PADI2: variants seen among roughly 807,000 people sequenced by gnomAD.
The protein encoded by PADI2 is peptidyl arginine deiminase 2, also known as protein-arginine deiminase type-2.
PADI2 carries 70 observed loss-of-function variants against 81.1 expected under a neutral mutation model. The observed-to-expected ratio is 0.86, with a 90% CI of 0.71 to 1.05. PADI2 has a LOEUF of 1.05. PADI2 is among the 50% of genes least tolerant of loss of function. The pLI, the probability that PADI2 is intolerant of heterozygous loss-of-function variation, is 0.00. For synonymous variants in PADI2, 338 were observed against 358.0 expected (o/e 0.94, Z 0.63); for missense variants, 853 against 889.9 (o/e 0.96, Z 0.53).
At chr1:17,104,122 A>C (rs1332451391) in intron 2 of PADI2, among the ~76,000 whole-genome samples, 1 of 108,030 alleles carries the variant, frequency 9.3e-6, no homozygotes, top group Non-Finnish European at 1.9e-5. Context: ...CTCTACTAAA[A>C]ATACAAAAAA....
chr1:17,111,423 T>C (rs1020280283), intron 1 of PADI2, among the ~76,000 whole-genome samples: 1 of 152,072 alleles, frequency 6.6e-6, no homozygotes, highest in Non-Finnish European at 1.5e-5. Context: ...ATGGATTACA[T>C]GATTACAGCT....
chr1:17,108,946 A>C (rs1007637186), intron 1 of PADI2, among the ~76,000 whole-genome samples: 2 of 152,196 alleles, frequency 1.3e-5, no homozygotes, highest in Non-Finnish European at 2.9e-5. Context: ...GCCCATCAAC[A>C]TGCTGGGTGG....
intron 1 of PADI2, among the ~76,000 whole-genome samples, chr1:17,106,451 T>C (rs1004176127): frequency 1.3e-4 from 19 of 150,192 alleles, no homozygotes; most frequent in South Asian, 2.1e-4. Context: ...TCTTCTTCTT[T>C]TTTTTTTTTT....
At position 17,083,794 on chromosome 1, in the gene PADI2, C is replaced by A. The variant is rs747146158; in HGVS notation, c.982G>T (p.Val328Leu). The change falls in exon 9 of 16, where the codon GTG (valine) becomes TTG (leucine). Residue 328 changes from valine to leucine, a missense_variant. Coordinates refer to ENST00000375486, the MANE Select transcript of PADI2 (RefSeq NM_007365.3). ...TTCAGCTCACAGTTGGTTTTCTCCA[C>A]AAGGTTCTTCACCTCTTTCAGGAAC... ...YLFLKEVKNL[V>L]EKTNCELKVC... 6.2e-7 allele frequency: 1 copy of A among 1,613,648 alleles called. No homozygotes were observed. The highest frequency in any genetic ancestry group is 2.2e-5 in the East Asian group (1 of 44,882).
intron 3 of PADI2, 148 bp from the exon 4 acceptor site, chr1:17,096,118 C>T (rs543342542): frequency 1.6e-4 from 85 of 527,608 alleles, no homozygotes; most frequent in African/African-American, 1.6e-3. Flanking sequence ...CTTATGCAAC[C>T]CCCTGCCTCA....
rs147988116 is a variant in PADI2, at chr1:17,119,099, G to A, written c.92+181C>T. Among the ~76,000 whole-genome samples, 903 of 152,166 alleles carry A rather than the reference G, an allele frequency of 5.9e-3. 6 individuals carry two copies. The highest frequency in any genetic ancestry group is 0.027 in the Middle Eastern group (8 of 294). ...GAGAGTCTCAGGGTTTCTGGAAGGTGGACACAAGGTTCGGGGGTTGTCAGG... is the reference window on the plus strand; with the variant it reads ...GAGAGTCTCAGGGTTTCTGGAAGGTAGACACAAGGTTCGGGGGTTGTCAGG... On this transcript the variant is annotated intron_variant, in intron 1 of 15. Transcript: ENST00000375486. This position sits in a 1 kb window ranked among gnomAD's most constrained non-coding sequence, Gnocchi z 4.8.
At position 17,070,173 on chromosome 1, in the gene PADI2, C is replaced by A; in HGVS notation, c.1679G>T (p.Gly560Val). 1 of 1,614,108 alleles carries A rather than the reference C, an allele frequency of 6.2e-7. No homozygotes were observed. Among genetic ancestry groups the A allele is most frequent in the Non-Finnish European group, 8.5e-7 (1 of 1,179,994 alleles). The change falls in exon 15 of 16, where the codon GGA becomes GTA. Residue 560 changes from glycine (G) to valine (V), a missense_variant. Transcript: ENST00000375486. Reference protein sequence around the residue: ...WNRDILKKELGLTEQDIIDLP... With the variant: ...WNRDILKKELVLTEQDIIDLP... Reference sequence around the variant, plus strand: ...GTCAATGATGTCCTGCTCTGTCAGTCCCAGCTCCTTCTTGAGGATGTCACG... The same window carrying A: ...GTCAATGATGTCCTGCTCTGTCAGTACCAGCTCCTTCTTGAGGATGTCACG...
chr1:17,068,882 C>A lies in PADI2; in HGVS notation c.*162G>T, dbSNP rs2078244160. On this transcript the variant is annotated 3_prime_UTR_variant, in exon 16 of 16. Transcript: ENST00000375486. The stretch of plus-strand genomic sequence containing the variant: ...GGGATGGCTTCAGAGGACACTGAGG[C>A]CCCTCTCAGGGAGGGCAAGGCACAG... 1 of 627,036 alleles carries A rather than the reference C, an allele frequency of 1.6e-6. No individual in the cohort carries two copies. 38.8% of individuals were successfully genotyped at this position (627,036 alleles called of 1,614,324 possible).
intron 11 of PADI2, among the ~76,000 whole-genome samples, chr1:17,076,310 G>T (rs1557758610): frequency 6.6e-6 from 1 of 152,056 alleles, no homozygotes; most frequent in Non-Finnish European, 1.5e-5. Flanking sequence ...TGCCTCCCGG[G>T]TTCAAGCAAT....
chr1:17,119,197 C>A lies in PADI2; in HGVS notation c.92+83G>T. On this transcript the variant is annotated intron_variant, in intron 1 of 15. Transcript: ENST00000375486. This position sits in a 1 kb window ranked among gnomAD's most constrained non-coding sequence, Gnocchi z 4.8. ...AGGGACAACTCGGGCTGGACAAAGG[C>A]TGTCCACGTCCCCGAGTCTGAGCGC... 1 of 981,246 alleles carries A rather than the reference C, an allele frequency of 1.0e-6. No individual in the cohort carries two copies. Among genetic ancestry groups the A allele is most frequent in the Non-Finnish European group, 1.5e-6 (1 of 663,636 alleles). The allele number at this position is 981,246 out of a possible 1,614,324, so 60.8% of individuals were successfully genotyped here. A position where few individuals can be genotyped will look rare whatever the true frequency, so the allele number is the denominator to read the frequency against.
In PADI2 at chr1:17,083,179, T is replaced by C. The variant is rs376498039; in HGVS notation, c.1051-527A>G. ...TTATCCACCACGCGTGGCCTAGACC[T>C]CATTTTAAAAAACACAATAACCAGG... On this transcript the variant is annotated intron_variant, in intron 9 of 15. Transcript: ENST00000375486. 6.1e-4 allele frequency: 96 copies of C among 156,312 alleles called. No homozygotes were observed. In the South Asian group the frequency reaches 9.7e-3, roughly 16 times the overall value. 9.7% of individuals were successfully genotyped at this position (156,312 alleles called of 1,614,324 possible). A position where few individuals can be genotyped will look rare whatever the true frequency, so the allele number is the denominator to read the frequency against.
intron 6 of PADI2, among the ~76,000 whole-genome samples, chr1:17,092,083 G>A (rs1172469171): frequency 6.6e-6 from 1 of 152,170 alleles, no homozygotes; most frequent in East Asian, 1.9e-4. Context: ...CCTGGAGGTG[G>A]TGCCTGCCCT....
intron 12 of PADI2, 47 bp from the exon 13 acceptor site, chr1:17,074,996 C>T (rs1193595928): frequency 7.8e-7 from 1 of 1,288,590 alleles, no homozygotes; most frequent in South Asian, 1.2e-5. Flanking sequence ...GGGAAGGCAC[C>T]CAAGGAGCAC....
chr1:17,086,177 G>C (rs934397416), intron 7 of PADI2, among the ~76,000 whole-genome samples: 10 of 152,172 alleles, frequency 6.6e-5, no homozygotes. Context: ...ACCCCACCTG[G>C]GTGGCTGCTT....
intron 6 of PADI2, among the ~76,000 whole-genome samples, chr1:17,087,237 T>C (rs1053042332): frequency 7.2e-5 from 11 of 152,326 alleles, no homozygotes; most frequent in African/African-American, 2.2e-4. Context: ...TAAAGGCCAG[T>C]GCATGGGCTG....
intron 6 of PADI2, among the ~76,000 whole-genome samples, chr1:17,087,350 TG>T (rs1329027818): frequency 6.6e-5 from 10 of 152,198 alleles, no homozygotes; most frequent in Admixed American, 3.3e-4. Context: ...GAAACAATTG[TG>T]TCCCTTCTTC....
intron 6 of PADI2, among the ~76,000 whole-genome samples, chr1:17,087,557 G>C (rs1930518530): frequency 6.6e-6 from 1 of 151,920 alleles, no homozygotes; most frequent in African/African-American, 2.4e-5. Flanking sequence ...CTGGAGTGCA[G>C]TGGCATGATC....
At chr1:17,076,096 GCT>G (rs1481338734) in intron 11 of PADI2, among the ~76,000 whole-genome samples, 1 of 152,352 alleles carries the variant, frequency 6.6e-6, no homozygotes, top group African/African-American at 2.4e-5. Context: ...GTGTGCAGAG[GCT>G]ACCTTTTGTG....
chr1:17,106,036 A>AG (rs1297978811), intron 1 of PADI2, among the ~76,000 whole-genome samples: 4 of 152,110 alleles, frequency 2.6e-5, no homozygotes, highest in African/African-American at 9.7e-5. Flanking sequence ...CTCCCTGCCC[A>AG]GGGTCGCTGA....
Sources: gnomAD v4.1 joint callset for allele counts (sites outside exome capture counted in the v4.1 genomes callset) on GRCh38, gnomAD v4.1.1 for gene constraint, Gnocchi (gnomAD v3.1) non-coding constraint, MANE v1.5 for transcripts, NCBI Gene and HGNC (gene_info 2026-07-23, HGNC 2026-07-21) for gene names.